PLPP4: variants seen among roughly 807,000 people sequenced by gnomAD.
The protein encoded by PLPP4 is phospholipid phosphatase 4.
PLPP4 carries 20 observed loss-of-function variants against 32.2 expected under a neutral mutation model. The ratio of observed to expected loss-of-function variants is 0.62; its 90% CI spans 0.44 to 0.90. The LOEUF is 0.90. Ranked by LOEUF, PLPP4 falls within the 40% of genes least tolerant of loss-of-function variation. The pLI, the probability that PLPP4 is intolerant of heterozygous loss-of-function variation, is 0.00. For synonymous variants in PLPP4, 127 were observed against 133.0 expected (o/e 0.95, Z 0.31); for missense variants, 257 against 353.1 (o/e 0.73, Z 2.18).
At chr10:120,576,532 C>A (rs1490193823) in intron 6 of PLPP4, among the ~76,000 whole-genome samples, 1 of 152,230 alleles carries the variant, frequency 6.6e-6, no homozygotes, top group East Asian at 1.9e-4. Context: ...TCTCCTGTTC[C>A]TTCCTGGTCT....
chr10:120,508,715 G>A (rs918650731), intron 2 of PLPP4, among the ~76,000 whole-genome samples: 3 of 152,108 alleles, frequency 2.0e-5, no homozygotes, highest in Non-Finnish European at 2.9e-5. Context: ...TTAGTTTGTC[G>A]TTTAGGGTAT....
At chr10:120,502,717 A>T (rs1346432512) in intron 1 of PLPP4, among the ~76,000 whole-genome samples, 1 of 152,166 alleles carries the variant, frequency 6.6e-6, no homozygotes, top group Admixed American at 6.5e-5. Context: ...TTCTGTCTGG[A>T]GACTGGGACG....
At chr10:120,572,936 A>G (rs907535530) in intron 5 of PLPP4, among the ~76,000 whole-genome samples, 1 of 152,220 alleles carries the variant, frequency 6.6e-6, no homozygotes, top group Non-Finnish European at 1.5e-5. Context: ...TTCTTCTCAC[A>G]TATTTTTACT....
intron 5 of PLPP4, among the ~76,000 whole-genome samples, chr10:120,565,039 C>T (rs999043839): frequency 3.9e-5 from 6 of 152,130 alleles, no homozygotes; most frequent in African/African-American, 9.7e-5. Flanking sequence ...ACATAGTTAA[C>T]GAAGTCTCAA....
chr10:120,514,461 T>C (rs1845858008), intron 3 of PLPP4, among the ~76,000 whole-genome samples: 2 of 152,186 alleles, frequency 1.3e-5, no homozygotes, highest in African/African-American at 4.8e-5. Flanking sequence ...TAAAATAAAA[T>C]AGATATTACA....
chr10:120,506,162 A>G (rs1845479955), intron 2 of PLPP4, among the ~76,000 whole-genome samples: 1 of 152,234 alleles, frequency 6.6e-6, no homozygotes, highest in African/African-American at 2.4e-5. Context: ...AGCTACACAT[A>G]CTGATTCATA....
chr10:120,470,223 G>A (rs568053014), intron 1 of PLPP4, among the ~76,000 whole-genome samples: 14 of 152,294 alleles, frequency 9.2e-5, no homozygotes, highest in Admixed American at 4.6e-4. Context: ...TTTCACAAGC[G>A]TATTGGCAAT....
At chr10:120,547,736 T>C (rs1847700171) in intron 5 of PLPP4, among the ~76,000 whole-genome samples, 1 of 152,156 alleles carries the variant, frequency 6.6e-6, no homozygotes, top group African/African-American at 2.4e-5. Context: ...GGACCTTCAA[T>C]TGTTTGTTCA....
At position 120,576,485 on chromosome 10, in the gene PLPP4, T is replaced by C. The variant is rs1214535998; in HGVS notation, c.616+1184T>C. ...TGAGAGCCCCTCCTTCCTCATCTTC[T>C]CTGGAGACCTTGTGCTCCTTCTAGC... On this transcript the variant is annotated intron_variant, in intron 6 of 6. Coordinates refer to ENST00000398250, the MANE Select transcript of PLPP4 (RefSeq NM_001030059.3). Among the ~76,000 whole-genome samples, 8 of 152,366 alleles carry C rather than the reference T, an allele frequency of 5.3e-5. No individual in the cohort carries two copies. The East Asian group carries it at 1.5e-3, about 29-fold the overall frequency.
At chr10:120,580,606 G>A (rs560317965) in intron 6 of PLPP4, among the ~76,000 whole-genome samples, 1 of 140,086 alleles carries the variant, frequency 7.1e-6, no homozygotes, top group South Asian at 2.3e-4. Flanking sequence ...CCTCCCCTCT[G>A]TCTCTGTCTC....
At chr10:120,505,566 G>C (rs1393261486) in intron 2 of PLPP4, among the ~76,000 whole-genome samples, 2 of 152,156 alleles carry the variant, frequency 1.3e-5, no homozygotes, top group Admixed American at 6.5e-5. Flanking sequence ...TTGTTAATTA[G>C]TGATGATTGG....
At chr10:120,503,239 A>G (rs1450602838) in intron 1 of PLPP4, among the ~76,000 whole-genome samples, 1 of 152,222 alleles carries the variant, frequency 6.6e-6, no homozygotes, top group East Asian at 1.9e-4. Flanking sequence ...CTCCAACTGC[A>G]TCTGAAGTGG....
intron 1 of PLPP4, among the ~76,000 whole-genome samples, chr10:120,489,648 C>T (rs1844621276): frequency 6.6e-6 from 1 of 152,090 alleles, no homozygotes; most frequent in African/African-American, 2.4e-5. Context: ...GATGCAGACT[C>T]AAGGTTGCCA....
chr10:120,576,228 T>C (rs565351295), intron 6 of PLPP4, among the ~76,000 whole-genome samples: 1 of 152,350 alleles, frequency 6.6e-6, no homozygotes, highest in Non-Finnish European at 1.5e-5. Context: ...GGAAAGAAAG[T>C]GTGCCTGAAT....
intron 5 of PLPP4, among the ~76,000 whole-genome samples, chr10:120,527,981 A>G (rs1846484760): frequency 6.7e-6 from 1 of 149,388 alleles, no homozygotes; most frequent in Non-Finnish European, 1.5e-5. Flanking sequence ...AAATTGCAAG[A>G]TTTGTTTGTT....
In PLPP4 at chr10:120,468,431, G is replaced by A. The variant is rs1448438755; in HGVS notation, c.56+11070G>A. 7.7e-5 allele frequency among the ~76,000 whole-genome samples: 5 copies of A among 65,338 alleles called. 2 individuals are homozygous for A. The highest frequency in any genetic ancestry group is 8.9e-5 in the Non-Finnish European group (2 of 22,376). The allele number at this position is 65,338 out of a possible 152,430, so 42.9% of individuals were successfully genotyped here. A position where few individuals can be genotyped will look rare whatever the true frequency, so the allele number is the denominator to read the frequency against. ...ATAAAAGCAGATTAGAAAAGTGTGC[G>A]TGATGCTATTTTAATGTGGTAATGT... On this transcript the variant is annotated intron_variant, in intron 1 of 6. Transcript: ENST00000398250.
intron 5 of PLPP4, among the ~76,000 whole-genome samples, chr10:120,568,627 T>C (rs1169443558): frequency 6.6e-6 from 1 of 152,248 alleles, no homozygotes; most frequent in Non-Finnish European, 1.5e-5. Context: ...TAAAATATCA[T>C]CTTTATTTCA....
At chr10:120,562,733 C>T (rs1848494888) in intron 5 of PLPP4, among the ~76,000 whole-genome samples, 4 of 152,130 alleles carry the variant, frequency 2.6e-5, no homozygotes, top group Admixed American at 2.6e-4. Context: ...CCTACCTTGG[C>T]TAAGATGTAT....
intron 5 of PLPP4, among the ~76,000 whole-genome samples, chr10:120,525,677 G>A (rs1392258205): frequency 6.6e-6 from 1 of 152,230 alleles, no homozygotes; most frequent in African/African-American, 2.4e-5. Flanking sequence ...TCCCATAAAT[G>A]AGTACATACA....
Sources: gnomAD v4.1 joint callset for allele counts (sites outside exome capture counted in the v4.1 genomes callset) on GRCh38, gnomAD v4.1.1 for gene constraint, MANE v1.5 for transcripts, NCBI Gene and HGNC (gene_info 2026-07-23, HGNC 2026-07-21) for gene names.